The following IMMP1L variants were observed in gnomAD, a reference collection of about 807,000 sequenced individuals.
The protein encoded by IMMP1L is mitochondrial inner membrane protease subunit 1.
A neutral mutation model predicts 21.8 loss-of-function variants in IMMP1L; 24 were observed. The ratio of observed to expected loss-of-function variants is 1.10; its 90% CI spans 0.80 to 1.55. The LOEUF is 1.55. IMMP1L is among the 40% of genes most tolerant of loss of function. The pLI is 0.00. For missense variants in IMMP1L, 195 were observed against 200.7 expected (o/e 0.97, Z 0.17); for synonymous variants, 46 against 62.8 (o/e 0.73, Z 1.26).
At chr11:31,446,269 GTTA>G (rs1232776517) in intron 4 of IMMP1L, among the ~76,000 whole-genome samples, 1 of 152,024 alleles carries the variant, frequency 6.6e-6, no homozygotes, top group African/African-American at 2.4e-5. Flanking sequence ...TATTCTCGAT[GTTA>G]TTATCTCAGT....
At chr11:31,476,327 T>G (rs1488548708) in intron 1 of IMMP1L, among the ~76,000 whole-genome samples, 1 of 152,036 alleles carries the variant, frequency 6.6e-6, no homozygotes, top group African/African-American at 2.4e-5. Flanking sequence ...TGGTAAAAGT[T>G]TGGAAATACA....
chr11:31,501,150 T>C (rs1177299630), intron 1 of IMMP1L, among the ~76,000 whole-genome samples: 1 of 152,210 alleles, frequency 6.6e-6, no homozygotes, highest in Admixed American at 6.5e-5. Context: ...CATAGGAGGT[T>C]CTACTGGACA....
chr11:31,451,188 T>G (rs1953742324), intron 4 of IMMP1L, among the ~76,000 whole-genome samples: 1 of 152,096 alleles, frequency 6.6e-6, no homozygotes, highest in South Asian at 2.1e-4. Context: ...GCCTATGGCT[T>G]TTACTGTAAG....
chr11:31,509,220 C>T (rs1308030626), intron 1 of IMMP1L, among the ~76,000 whole-genome samples: 1 of 152,196 alleles, frequency 6.6e-6, no homozygotes, highest in Non-Finnish European at 1.5e-5. Context: ...CCACCTACCA[C>T]TAGGCACTAA....
chr11:31,481,332 G>A (rs1261127892), intron 1 of IMMP1L, among the ~76,000 whole-genome samples: 3 of 151,950 alleles, frequency 2.0e-5, no homozygotes, highest in Non-Finnish European at 4.4e-5. Context: ...GTTTTTAAAT[G>A]CATGAATTAA....
chr11:31,500,804 T>C (rs766443588), intron 1 of IMMP1L, among the ~76,000 whole-genome samples: 1 of 152,168 alleles, frequency 6.6e-6, no homozygotes, highest in Non-Finnish European at 1.5e-5. Flanking sequence ...GACAAAGTCA[T>C]GCTCATTCAT....
At chr11:31,468,539 T>C (rs1260320604) in intron 1 of IMMP1L, among the ~76,000 whole-genome samples, 1 of 152,054 alleles carries the variant, frequency 6.6e-6, no homozygotes, top group Non-Finnish European at 1.5e-5. Flanking sequence ...GAATAAAACT[T>C]CTAAAAAACA....
intron 4 of IMMP1L, 137 bp from the exon 5 acceptor site, chr11:31,433,707 G>T: frequency 4.4e-6 from 2 of 449,912 alleles, no homozygotes; most frequent in Non-Finnish European, 7.8e-6. Flanking sequence ...TCCTAATATT[G>T]CATTTTTGCT....
At position 31,452,028 on chromosome 11, in the gene IMMP1L, C is replaced by G. The variant is rs181880547; in HGVS notation, c.321+4232G>C. 1.6e-3 allele frequency among the ~76,000 whole-genome samples: 240 copies of G among 152,288 alleles called. 2 individuals are homozygous for G. The highest frequency in any genetic ancestry group is 5.4e-3 in the African/African-American group (223 of 41,550). On this transcript the variant is annotated intron_variant, in intron 4 of 5. Transcript: ENST00000532287. ...TATGATGAGGACTGAGAGTTGATCA[C>G]TGGAGAGACAACAAGAGAAGTCATT...
chr11:31,455,048 A>G (rs1953894008), intron 4 of IMMP1L, among the ~76,000 whole-genome samples: 1 of 152,228 alleles, frequency 6.6e-6, no homozygotes. Flanking sequence ...TGTTATCACC[A>G]TAAGTTAACA....
Position 31,460,629 on chromosome 11 carries a change from T to C in IMMP1L, c.191A>G (p.Gln64Arg), listed in dbSNP as rs751011374. The change falls in exon 3 of 6, where the codon CAA (glutamine) becomes CGA (arginine). Residue 64 changes from glutamine (Q) to arginine (R), a missense_variant. Gln to Arg is a conservative substitution (Grantham distance 43). Transcript: ENST00000532287. The part of the protein sequence containing the change: ...ENLSRHFYGI[Q>R]RGDIVIAKSP... ...TATATCCATGACAGAAATTTACCTT[T>C]GGATACCATAAAAATGTCGACTAAG... 5.0e-6 allele frequency: 8 copies of C among 1,588,744 alleles called. No individual in the cohort carries two copies. Among genetic ancestry groups the C allele is most frequent in the Non-Finnish European group, 6.0e-6 (7 of 1,157,630 alleles).
At chr11:31,507,674 G>A (rs1428496214) in intron 1 of IMMP1L, among the ~76,000 whole-genome samples, 1 of 152,162 alleles carries the variant, frequency 6.6e-6, no homozygotes, top group Non-Finnish European at 1.5e-5. Flanking sequence ...TGGCAGGGGG[G>A]ATGGGGAGAA....
chr11:31,496,135 G>T, intron 1 of IMMP1L, among the ~76,000 whole-genome samples: 1 of 146,820 alleles, frequency 6.8e-6, no homozygotes. Context: ...AAAAAACAAA[G>T]CCATTACTCA....
chr11:31,471,708 T>G (rs2598475), intron 1 of IMMP1L, among the ~76,000 whole-genome samples: 2 of 152,178 alleles, frequency 1.3e-5, no homozygotes, highest in Non-Finnish European at 2.9e-5. Context: ...TATTTACTCT[T>G]TCTTATGAGC....
chr11:31,445,164 A>T (rs536716766), intron 4 of IMMP1L, among the ~76,000 whole-genome samples: 1 of 152,356 alleles, frequency 6.6e-6, no homozygotes, highest in African/African-American at 2.4e-5. Context: ...AACAAAGGGT[A>T]TTTCAGACTG....
intron 1 of IMMP1L, among the ~76,000 whole-genome samples, chr11:31,479,210 T>TACTTGCATATTGCAAGTTGCAATGGCAA (rs1390411451): frequency 2.6e-5 from 4 of 152,222 alleles, no homozygotes; most frequent in Non-Finnish European, 5.9e-5. Context: ...CAATATGGCT[T>TACTTGCATATTGCAAGTTGCAATGGCAA]ACTTGACAAG....
chr11:31,483,113 C>T (rs1400442926), intron 1 of IMMP1L, among the ~76,000 whole-genome samples: 1 of 151,810 alleles, frequency 6.6e-6, no homozygotes, highest in Non-Finnish European at 1.5e-5. Flanking sequence ...AAAAATGAAT[C>T]TGCTATTAAA....
intron 4 of IMMP1L, among the ~76,000 whole-genome samples, chr11:31,446,721 A>C (rs535024753): frequency 1.3e-5 from 2 of 152,226 alleles, no homozygotes; most frequent in East Asian, 3.9e-4. Flanking sequence ...TTACCCTTTA[A>C]AACTTCAACT....
At chr11:31,482,951 G>C (rs546165374) in intron 1 of IMMP1L, among the ~76,000 whole-genome samples, 1 of 151,924 alleles carries the variant, frequency 6.6e-6, no homozygotes, top group Admixed American at 6.6e-5. Context: ...CAGTAGAATG[G>C]ATAAATAATA....
Sources: allele counts gnomAD v4.1 joint callset (sites outside exome capture counted in the v4.1 genomes callset), GRCh38; gene constraint gnomAD v4.1.1; transcripts MANE v1.5; gene names NCBI Gene and HGNC (gene_info 2026-07-23, HGNC 2026-07-21).